Variants in SMAP1 observed in about 807,000 individuals in gnomAD.
The protein encoded by SMAP1 is stromal membrane-associated protein 1.
Under a neutral mutation model 58.5 loss-of-function variants are expected in SMAP1, and 24 were observed. That is an observed-to-expected ratio of 0.41 (90% CI 0.30 to 0.58). The LOEUF (loss-of-function observed/expected upper bound fraction) is 0.58, where lower values mean the gene tolerates loss of function less well. Among genes scored for constraint, SMAP1 ranks in the 20% least tolerant of loss-of-function variants. The pLI is 0.29. For synonymous variants in SMAP1, 216 were observed against 196.6 expected (o/e 1.10, Z -0.82); for missense variants, 563 against 566.3 (o/e 0.99, Z 0.06).
At chr6:70,808,902 CTGTGTGTGTGTGTG>C (rs35577736) in intron 6 of SMAP1, among the ~76,000 whole-genome samples, 10 of 144,678 alleles carry the variant, frequency 6.9e-5, no homozygotes, top group East Asian at 2.1e-4. Flanking sequence ...GGCTGTTTCC[CTGTGTGTGTGTGTG>C]TGTGTGTGTG....
chr6:70,774,222 G>T (rs1767454314), intron 4 of SMAP1, among the ~76,000 whole-genome samples: 1 of 152,168 alleles, frequency 6.6e-6, no homozygotes, highest in South Asian at 2.1e-4. Context: ...ATGTTTCTCA[G>T]AATGTATCCC....
intron 2 of SMAP1, among the ~76,000 whole-genome samples, chr6:70,736,564 T>C (rs183446708): frequency 6.6e-6 from 1 of 152,364 alleles, no homozygotes; most frequent in African/African-American, 2.4e-5. Context: ...GTGATAGTTA[T>C]TAATGTTTAG....
intron 5 of SMAP1, among the ~76,000 whole-genome samples, chr6:70,797,330 T>G (rs949201958): frequency 2.6e-5 from 4 of 152,114 alleles, no homozygotes; most frequent in Non-Finnish European, 2.9e-5. Flanking sequence ...GAAATGCACA[T>G]TAAATATATA....
intron 7 of SMAP1, among the ~76,000 whole-genome samples, chr6:70,851,903 G>A (rs935618485): frequency 6.6e-6 from 1 of 152,160 alleles, no homozygotes; most frequent in Non-Finnish European, 1.5e-5. Context: ...TTTTATGGAT[G>A]CTTCCTGTAG....
At chr6:70,756,355 A>G (rs929503403) in intron 3 of SMAP1, among the ~76,000 whole-genome samples, 6 of 152,134 alleles carry the variant, frequency 3.9e-5, no homozygotes, top group African/African-American at 1.2e-4. Context: ...TTTGGACAGA[A>G]ACCTTTTAAA....
At chr6:70,746,219 A>G (rs544964723) in intron 2 of SMAP1, among the ~76,000 whole-genome samples, 2 of 152,178 alleles carry the variant, frequency 1.3e-5, no homozygotes, top group African/African-American at 4.8e-5. Context: ...GTTGAATAGG[A>G]GTGGTGAGAG....
chr6:70,859,292 G>T, intron 10 of SMAP1: 2 of 1,469,732 alleles, frequency 1.4e-6, no homozygotes, highest in South Asian at 1.3e-5. Context: ...GGTGCTAGAT[G>T]AACCAGGAAG....
chr6:70,852,707 C>A, intron 8 of SMAP1, 43 bp downstream of exon 8: 1 of 1,465,674 alleles, frequency 6.8e-7, no homozygotes, highest in Non-Finnish European at 9.1e-7. Flanking sequence ...CTGCTTATTT[C>A]CTTTTTGAAA....
chr6:70,816,563 A>G (rs1213286387), intron 6 of SMAP1, among the ~76,000 whole-genome samples: 3 of 152,206 alleles, frequency 2.0e-5, no homozygotes, highest in African/African-American at 4.8e-5. Context: ...AGCCTTACCA[A>G]ACTCCAAGGC....
intron 2 of SMAP1, among the ~76,000 whole-genome samples, chr6:70,749,386 A>G (rs1050818249): frequency 1.3e-5 from 2 of 152,196 alleles, no homozygotes; most frequent in Non-Finnish European, 1.5e-5. Flanking sequence ...TTGGGTAGAA[A>G]ACTATTTTAA....
In SMAP1 at chr6:70,858,249, T is replaced by C. The variant is rs758966071; in HGVS notation, c.1269+20T>C. 6.4e-7 allele frequency: 1 copy of C among 1,558,780 alleles called. No homozygotes were observed. The highest frequency in any genetic ancestry group is 8.7e-7 in the Non-Finnish European group (1 of 1,146,230). On this transcript the variant is annotated intron_variant, in intron 10 of 10. Transcript: ENST00000370455. ...TCACAGGTAGGGGTCATTTACTTTC[T>C]AGCTTCTCCCAAATCAAACCAGATT...
intron 1 of SMAP1, chr6:70,694,199 C>T (rs1767304374): frequency 6.5e-6 from 2 of 307,902 alleles, no homozygotes; most frequent in South Asian, 3.2e-5. Context: ...ACTTGATCTA[C>T]TGATGGATAA....
intron 6 of SMAP1, among the ~76,000 whole-genome samples, chr6:70,824,496 T>A (rs921545349): frequency 1.3e-5 from 2 of 152,126 alleles, no homozygotes; most frequent in Admixed American, 1.3e-4. Flanking sequence ...CTTATGAAGG[T>A]ATGTTTTTGT....
intron 7 of SMAP1, among the ~76,000 whole-genome samples, chr6:70,839,892 T>A (rs1770736515): frequency 6.6e-6 from 1 of 152,146 alleles, no homozygotes; most frequent in Non-Finnish European, 1.5e-5. Flanking sequence ...CTACAGAGAA[T>A]CAAAGGTCTC....
At chr6:70,857,183 C>A in intron 9 of SMAP1, 153 bp downstream of exon 9, 1 of 672,154 alleles carries the variant, frequency 1.5e-6, no homozygotes, top group Non-Finnish European at 2.2e-6. Context: ...AATGAATGAG[C>A]ATTAGAATTA....
rs370281355 is a variant in SMAP1, at chr6:70,770,267, C to T, written c.339-3083C>T. On this transcript the variant is annotated intron_variant, in intron 3 of 10. Coordinates refer to ENST00000370455, the MANE Select transcript of SMAP1 (RefSeq NM_001044305.3). The stretch of plus-strand genomic sequence containing the variant: ...TCGAGGAGTATCTTTGTGGCATTCT[C>T]TGTATTTCCTGAATCTGAATGTTGG... 5.3e-5 allele frequency among the ~76,000 whole-genome samples: 8 copies of T among 152,016 alleles called. No individual in the cohort carries two copies. In the East Asian group the frequency reaches 1.5e-3, roughly 29 times the overall value.
chr6:70,713,019 C>T (rs1768122062), intron 1 of SMAP1, among the ~76,000 whole-genome samples: 1 of 152,048 alleles, frequency 6.6e-6, no homozygotes, highest in African/African-American at 2.4e-5. Flanking sequence ...TCTTGAACTC[C>T]TGACCTCAAA....
At chr6:70,779,969 A>G (rs752572059) in intron 4 of SMAP1, among the ~76,000 whole-genome samples, 2 of 152,180 alleles carry the variant, frequency 1.3e-5, no homozygotes, top group Non-Finnish European at 2.9e-5. Context: ...GTGACAATTA[A>G]GCTGCATCTG....
chr6:70,729,112 C>G (rs1371205779), intron 1 of SMAP1, among the ~76,000 whole-genome samples: 1 of 151,264 alleles, frequency 6.6e-6, no homozygotes, highest in Admixed American at 6.6e-5. Context: ...CTTTTTTGCT[C>G]TTTTTGTTCT....
Sources: gnomAD v4.1 joint callset for allele counts (sites outside exome capture counted in the v4.1 genomes callset) on GRCh38, gnomAD v4.1.1 for gene constraint, MANE v1.5 for transcripts, NCBI Gene and HGNC (gene_info 2026-07-23, HGNC 2026-07-21) for gene names.